The following HK1 variants were observed in gnomAD, a reference collection of about 807,000 sequenced individuals.
HK1 encodes hexokinase 1.
A neutral mutation model predicts 91.6 loss-of-function variants in HK1; 28 were observed. The observed-to-expected ratio is 0.31, with a 90% CI of 0.23 to 0.42. The LOEUF is 0.42. HK1 is among the 10% of genes least tolerant of loss of function. The probability of loss-of-function intolerance (pLI) is 1.00; values close to 1 mark genes in which losing one functional copy is unlikely to be tolerated. For synonymous variants in HK1, 430 were observed against 468.1 expected (o/e 0.92, Z 1.05); for missense variants, 770 against 1,219.8 (o/e 0.63, Z 5.49).
At chr10:69,337,784 G>A (rs932311819) in intron 1 of HK1, among the ~76,000 whole-genome samples, 2 of 152,184 alleles carry the variant, frequency 1.3e-5, no homozygotes, top group Non-Finnish European at 2.9e-5. Context: ...CGATCCTCAC[G>A]GGAGGGTGGA....
chr10:69,308,504 A>C (rs1846212236), intron 5 of HK1, among the ~76,000 whole-genome samples: 1 of 152,116 alleles, frequency 6.6e-6, no homozygotes, highest in African/African-American at 2.4e-5. Context: ...AGGCACTGGT[A>C]ATCAGAACAA....
At position 69,398,814 on chromosome 10, in the gene HK1, C is replaced by T. The variant is rs1420314172; in HGVS notation, c.2595C>T (p.Tyr865=). 2 of 1,610,782 alleles carry T rather than the reference C, an allele frequency of 1.2e-6. No homozygotes were observed. Among genetic ancestry groups the T allele is most frequent in the Non-Finnish European group, 1.7e-6 (2 of 1,177,114 alleles). Reference sequence around the variant, plus strand: ...CTGTGGGAGTGGACGGGACACTCTACAAGCTTCATCCACAGTGAGTGGGCC... The same window carrying T: ...CTGTGGGAGTGGACGGGACACTCTATAAGCTTCATCCACAGTGAGTGGGCC... ...NVTVGVDGTL[Y]KLHPHFSRIM... The change falls in exon 17 of 18, where the codon TAC becomes TAT. Residue 865 remains tyrosine (Y), a synonymous_variant. Transcript: ENST00000359426.
intron 1 of HK1, chr10:69,338,751 G>A (rs561924562): frequency 3.3e-6 from 4 of 1,219,854 alleles, no homozygotes; most frequent in Non-Finnish European, 4.3e-6. Flanking sequence ...GAGAGTGTGT[G>A]TGTGTGAGAG....
chr10:69,292,444 C>T (rs11815833), intron 3 of HK1: 3,951 of 364,794 alleles, frequency 0.011, 155 homozygotes, highest in African/African-American at 0.078. Context: ...GGGAGATACA[C>T]ACATGGATTA....
intron 5 of HK1, among the ~76,000 whole-genome samples, chr10:69,301,573 C>CAAAAAAAAAA (rs3086649): frequency 3.7e-5 from 3 of 80,804 alleles, no homozygotes; most frequent in African/African-American, 1.0e-4. Flanking sequence ...GACTCTGTCT[C>CAAAAAAAAAA]AAAAAAAAAA....
intron 15 of HK1, among the ~76,000 whole-genome samples, chr10:69,393,365 C>G (rs7914033): frequency 6.7e-6 from 1 of 150,078 alleles, no homozygotes; most frequent in Non-Finnish European, 1.5e-5. Flanking sequence ...TGCAGTGGTG[C>G]GAGCTCAGCT....
upstream of HK1, chr10:69,318,771 C>T: frequency 2.4e-6 from 3 of 1,259,586 alleles, no homozygotes; most frequent in South Asian, 1.8e-5. Flanking sequence ...CTCCAGGGGA[C>T]GGGAGCGCGG....
intron 4 of HK1, among the ~76,000 whole-genome samples, chr10:69,368,077 C>T (rs1849795354): frequency 6.6e-6 from 1 of 152,202 alleles, no homozygotes; most frequent in Non-Finnish European, 1.5e-5. Flanking sequence ...AGCTCAGCAG[C>T]CAAGAATTAT....
At chr10:69,376,284 A>G (rs7083032) in intron 7 of HK1, among the ~76,000 whole-genome samples, 6,053 of 152,180 alleles carry the variant, frequency 0.04, 418 homozygotes, top group African/African-American at 0.14. Flanking sequence ...TGTAGCTTGC[A>G]TCTGGGAGGG....
chr10:69,291,365 C>T (rs891029870), intron 3 of HK1, among the ~76,000 whole-genome samples: 2 of 152,194 alleles, frequency 1.3e-5, no homozygotes, highest in Non-Finnish European at 2.9e-5. Context: ...TTGATTTGGT[C>T]CCATCAATTA....
chr10:69,342,247 C>T (rs78138120), intron 1 of HK1, among the ~76,000 whole-genome samples: 2,983 of 152,254 alleles, frequency 0.02, 79 homozygotes, highest in African/African-American at 0.064. Context: ...GGCTGTAAAT[C>T]TGTCTCTCTA....
Position 69,360,061 on chromosome 10 carries a change from C to A in HK1, c.375+16C>A, listed in dbSNP as rs551771289. The A allele has an allele frequency of 6.2e-7, 1 of 1,613,064 alleles. No homozygotes were observed. Among genetic ancestry groups the A allele is most frequent in the East Asian group, 2.2e-5 (1 of 44,882 alleles). ...TGGAAGCCAGGTGGGTCCCTGCTCCCTCCGGGTCACCCCGTCGGGCCAGCA... is the reference window on the plus strand; with the variant it reads ...TGGAAGCCAGGTGGGTCCCTGCTCCATCCGGGTCACCCCGTCGGGCCAGCA... On this transcript the variant is annotated intron_variant, in intron 3 of 17. Coordinates refer to ENST00000359426, the MANE Select transcript of HK1 (RefSeq NM_000188.3).
intron 1 of HK1, among the ~76,000 whole-genome samples, chr10:69,320,648 C>T (rs182135536): frequency 5.3e-5 from 8 of 152,286 alleles, no homozygotes; most frequent in African/African-American, 1.9e-4. Flanking sequence ...TGTCCTCCTG[C>T]ACGTGGTGTC....
intron 2 of HK1, among the ~76,000 whole-genome samples, chr10:69,347,099 C>T (rs555929058): frequency 5.3e-5 from 8 of 150,962 alleles, no homozygotes; most frequent in East Asian, 2.0e-4. Flanking sequence ...TGCAGTGGCA[C>T]GATGGTTCAA....
intron 7 of HK1, among the ~76,000 whole-genome samples, chr10:69,376,686 C>T (rs1424464386): frequency 6.6e-6 from 1 of 152,192 alleles, no homozygotes; most frequent in Non-Finnish European, 1.5e-5. Flanking sequence ...CTGCCTGCTC[C>T]TGCCCATGGT....
chr10:69,336,505 T>A (rs554179981), intron 1 of HK1, among the ~76,000 whole-genome samples: 103 of 147,360 alleles, frequency 7.0e-4, no homozygotes, highest in Non-Finnish European at 1.4e-3. Flanking sequence ...ATTGCATCTT[T>A]AAAAAAAAAA....
intron 7 of HK1, among the ~76,000 whole-genome samples, chr10:69,372,612 G>A (rs1850068072): frequency 6.6e-6 from 1 of 152,124 alleles, no homozygotes; most frequent in South Asian, 2.1e-4. Flanking sequence ...GTAGGTTTGG[G>A]GATTTTTGCC....
intron 1 of HK1, among the ~76,000 whole-genome samples, chr10:69,271,392 CA>C (rs1382619282): frequency 6.6e-6 from 1 of 151,860 alleles, no homozygotes; most frequent in East Asian, 1.9e-4. Context: ...GTTAAAGTGG[CA>C]CCATGGTAAT....
At chr10:69,338,571 A>G in intron 1 of HK1, 1 of 1,289,564 alleles carries the variant, frequency 7.8e-7, no homozygotes, top group Non-Finnish European at 1.0e-6. Context: ...CAACTCCCAA[A>G]TGGAGTGTGG....
Sources: gnomAD v4.1 joint callset for allele counts (sites outside exome capture counted in the v4.1 genomes callset) on GRCh38, gnomAD v4.1.1 for gene constraint, MANE v1.5 for transcripts, NCBI Gene and HGNC (gene_info 2026-07-23, HGNC 2026-07-21) for gene names.